PPIP5K2: variants seen among roughly 807,000 people sequenced by gnomAD.
PPIP5K2 encodes the protein inositol hexakisphosphate and diphosphoinositol-pentakisphosphate kinase 2.
In PPIP5K2, 105 loss-of-function variants were observed where a neutral mutation model predicts 154.6. The observed-to-expected ratio is 0.68, with a 90% CI of 0.58 to 0.80. The LOEUF (loss-of-function observed/expected upper bound fraction) is 0.80. Ranked by LOEUF, PPIP5K2 falls within the 30% of genes least tolerant of loss-of-function variation. The probability of loss-of-function intolerance (pLI) is 0.00; values close to 1 mark genes in which losing one functional copy is unlikely to be tolerated. For missense variants in PPIP5K2, 992 were observed against 1,504.6 expected (o/e 0.66, Z 5.64); for synonymous variants, 480 against 490.3 (o/e 0.98, Z 0.28).
In PPIP5K2 at chr5:103,183,354, G is replaced by A; in HGVS notation, c.3043G>A (p.Val1015Ile). 6.2e-7 allele frequency: 1 copy of A among 1,610,652 alleles called. No individual in the cohort carries two copies. Among genetic ancestry groups the A allele is most frequent in the Non-Finnish European group, 8.5e-7 (1 of 1,178,932 alleles). Reference protein sequence around the residue: ...RSGEQITSSPVSPKSLAFTSS... With the variant: ...RSGEQITSSPISPKSLAFTSS... ...AGGGGAACAAATCACTTCTTCCCCT[G>A]TCTCCCCCAAATCATTGGCTTTCAC... Residue 1015 changes from valine (V) to isoleucine (I), a missense_variant, in exon 25 of 31, where the codon GTC becomes ATC. Around this residue, in one of 9 missense-constraint regions of PPIP5K2, gnomAD observed 204 missense variants for 224.0 expected, o/e 0.91. Coordinates refer to ENST00000358359, the MANE Select transcript of PPIP5K2 (RefSeq NM_001276277.3).
In PPIP5K2 at chr5:103,164,774, G is replaced by A. The variant is rs542231503; in HGVS notation, c.1921-2405G>A. ...TATAACCAGAAGTAGAATTGCACTT[G>A]ACATTTTTTATATTGTAGAAACTTA... is the stretch of plus-strand genomic sequence containing the variant. On this transcript the variant is annotated intron_variant, in intron 17 of 30. Transcript: ENST00000358359. Among the ~76,000 whole-genome samples the A allele has an allele frequency of 2.6e-5, 4 of 152,170 alleles. No homozygotes were observed. The South Asian group carries it at 8.3e-4, about 31-fold the overall frequency.
At chr5:103,193,514 G>A (rs1460671165) in intron 29 of PPIP5K2, among the ~76,000 whole-genome samples, 5 of 151,804 alleles carry the variant, frequency 3.3e-5, no homozygotes, top group African/African-American at 1.2e-4. Flanking sequence ...TATCAGATTG[G>A]AGAAAAAGGA....
intron 8 of PPIP5K2, among the ~76,000 whole-genome samples, chr5:103,150,545 A>G (rs577373198): frequency 6.6e-6 from 1 of 152,228 alleles, no homozygotes; most frequent in East Asian, 1.9e-4. Context: ...GTGCTGAGGT[A>G]GGTGGATCAC....
intron 4 of PPIP5K2, among the ~76,000 whole-genome samples, chr5:103,137,414 G>A (rs1224512021): frequency 3.3e-5 from 5 of 151,924 alleles, no homozygotes; most frequent in African/African-American, 9.7e-5. Flanking sequence ...CGCCTGCCTC[G>A]GCCTCCCAAA....
Position 103,148,036 on chromosome 5 carries a change from G to C in PPIP5K2, c.744+4G>C, listed in dbSNP as rs1554209819. On this transcript the variant is annotated splice_donor_region_variant and intron_variant, in intron 7 of 30. Transcript: ENST00000358359. ...CACAGATGGTACTGATGTTAAGGTAGGATTGATTAAAATAGATTTTAGTTT... is the reference window on the plus strand; with the variant it reads ...CACAGATGGTACTGATGTTAAGGTACGATTGATTAAAATAGATTTTAGTTT... 7.8e-6 allele frequency: 12 copies of C among 1,536,434 alleles called. No homozygotes were observed. Among genetic ancestry groups the C allele is most frequent in the Non-Finnish European group, 1.1e-5 (12 of 1,126,372 alleles).
intron 11 of PPIP5K2, 35 bp from the exon 12 acceptor site, chr5:103,154,635 G>T (rs782418451): frequency 3.2e-6 from 4 of 1,245,704 alleles, no homozygotes; most frequent in Non-Finnish European, 4.6e-6. Context: ...GTTAATTATT[G>T]CAAGTGACTA....
intron 28 of PPIP5K2, among the ~76,000 whole-genome samples, chr5:103,187,638 C>A (rs1800608959): frequency 6.6e-6 from 1 of 152,062 alleles, no homozygotes; most frequent in African/African-American, 2.4e-5. Context: ...AAATTAACAC[C>A]TGAAAATTTC....
chr5:103,173,045 A>G (rs1580339307), intron 19 of PPIP5K2, 110 bp from the exon 20 acceptor site: 1 of 877,106 alleles, frequency 1.1e-6, no homozygotes, highest in Non-Finnish European at 1.6e-6. Flanking sequence ...CCAACGTTCA[A>G]AAAAGGCTTG....
chr5:103,178,064 T>A, intron 23 of PPIP5K2, 84 bp downstream of exon 23: 1 of 850,698 alleles, frequency 1.2e-6, no homozygotes. Context: ...TATAATGTAC[T>A]ATAAATAATT....
At chr5:103,155,579 C>T (rs1254855946) in intron 13 of PPIP5K2, among the ~76,000 whole-genome samples, 1 of 151,322 alleles carries the variant, frequency 6.6e-6, no homozygotes, top group African/African-American at 2.4e-5. Flanking sequence ...AGGCACACAC[C>T]ACCATGCCTG....
Position 103,202,617 on chromosome 5 carries a change from A to C in PPIP5K2, c.*983A>C, listed in dbSNP as rs1361293917. The C allele has an allele frequency of 6.6e-6, 1 of 152,184 alleles. No homozygotes were observed. Among genetic ancestry groups the C allele is most frequent in the African/African-American group, 2.4e-5 (1 of 41,460 alleles). The allele number at this position is 152,184 out of a possible 1,614,324, so 9.4% of individuals were successfully genotyped here. ...AGCTTAAAGATTGAGCATTTGAAAT[A>C]AATGCTCTTTATAAATGATTAGATT... On this transcript the variant is annotated 3_prime_UTR_variant, in exon 31 of 31. Coordinates refer to ENST00000358359, the MANE Select transcript of PPIP5K2 (RefSeq NM_001276277.3).
At chr5:103,142,648 C>T (rs1384304977) in intron 5 of PPIP5K2, among the ~76,000 whole-genome samples, 1 of 151,986 alleles carries the variant, frequency 6.6e-6, no homozygotes, top group Non-Finnish European at 1.5e-5. Flanking sequence ...TGGTGGCGGG[C>T]GCCTGTAGTC....
intron 4 of PPIP5K2, 40 bp downstream of exon 4, chr5:103,136,862 A>G: frequency 6.9e-7 from 1 of 1,444,998 alleles, no homozygotes; most frequent in South Asian, 1.1e-5. Context: ...AAGGAAAAAT[A>G]ACATTAATTT....
At chr5:103,168,936 T>C (rs1477637116) in intron 19 of PPIP5K2, among the ~76,000 whole-genome samples, 1 of 151,906 alleles carries the variant, frequency 6.6e-6, no homozygotes, top group African/African-American at 2.4e-5. Context: ...ATCTGCCATC[T>C]CTATATGGAA....
intron 27 of PPIP5K2, among the ~76,000 whole-genome samples, chr5:103,186,735 C>T (rs577808584): frequency 2.6e-5 from 4 of 152,050 alleles, no homozygotes; most frequent in African/African-American, 7.2e-5. Flanking sequence ...AAAGAGCAAG[C>T]GTTTCTTTGA....
intron 17 of PPIP5K2, among the ~76,000 whole-genome samples, chr5:103,165,693 A>C (rs1797020187): frequency 6.6e-6 from 1 of 152,160 alleles, no homozygotes; most frequent in East Asian, 1.9e-4. Flanking sequence ...CGAAGAAATC[A>C]GCAGTATACA....
intron 30 of PPIP5K2, among the ~76,000 whole-genome samples, chr5:103,201,251 TA>T (rs1309270808): frequency 1.3e-5 from 2 of 152,244 alleles, no homozygotes; most frequent in African/African-American, 4.8e-5. Context: ...GGATGGTAGT[TA>T]AAAATTATGA....
chr5:103,192,070 T>G (rs978787550), intron 29 of PPIP5K2, among the ~76,000 whole-genome samples: 2 of 152,070 alleles, frequency 1.3e-5, no homozygotes, highest in Non-Finnish European at 2.9e-5. Context: ...TTTGTCTAAA[T>G]GATACCCCCT....
rs781868706 is a variant in PPIP5K2 at position 103,173,207 on chromosome 5, C to T, written c.2339C>T (p.Thr780Ile). 1.9e-5 allele frequency: 30 copies of T among 1,611,178 alleles called. No individual in the cohort carries two copies. The Admixed American group carries it at 4.5e-4, about 24-fold the overall frequency. Reference sequence around the variant, plus strand: ...CTGGAGATTGCCAAAGGCTACTGTACTCCTCTGGTTAGAAAAATTCGCTCA... The same window carrying T: ...CTGGAGATTGCCAAAGGCTACTGTATTCCTCTGGTTAGAAAAATTCGCTCA... ...EKLEIAKGYC[T>I]PLVRKIRSDL... The change falls in exon 20 of 31, where the codon ACT becomes ATT. Residue 780 changes from threonine to isoleucine, a missense_variant. Physicochemically the swap from Thr to Ile is moderately conservative, Grantham distance 89. Coordinates refer to ENST00000358359, the MANE Select transcript of PPIP5K2 (RefSeq NM_001276277.3).
Sources: gnomAD v4.1 joint callset for allele counts (sites outside exome capture counted in the v4.1 genomes callset) on GRCh38, gnomAD v4.1.1 for gene constraint, gnomAD v4.1.1 regional missense constraint, MANE v1.5 for transcripts, NCBI Gene and HGNC (gene_info 2026-07-23, HGNC 2026-07-21) for gene names.